The following SSUH2 variants were observed in gnomAD, a reference collection of about 807,000 sequenced individuals.
SSUH2 encodes the protein ssu-2 homolog, also known as protein SSUH2 homolog.
In SSUH2, 47 loss-of-function variants were observed where a neutral mutation model predicts 55.3. That is an observed-to-expected ratio of 0.85 (90% CI 0.67 to 1.08). The LOEUF is 1.08. Ranked by LOEUF, SSUH2 falls within the 50% of genes least tolerant of loss-of-function variation. The pLI, the probability that SSUH2 is intolerant of heterozygous loss-of-function variation, is 0.00. For synonymous variants in SSUH2, 212 were observed against 191.5 expected (o/e 1.11, Z -0.89); for missense variants, 535 against 490.7 (o/e 1.09, Z -0.85).
At chr3:8,634,052 T>G in intron 3 of SSUH2, 1 of 1,142,576 alleles carries the variant, frequency 8.8e-7, no homozygotes, top group Non-Finnish European at 1.2e-6. Context: ...GAAAAGCTGA[T>G]AGAATCCTGC....
At chr3:8,635,177 A>G in intron 3 of SSUH2, 123 bp downstream of exon 3, 1 of 709,206 alleles carries the variant, frequency 1.4e-6, no homozygotes, top group Non-Finnish European at 2.3e-6. Context: ...GATCTGGTGC[A>G]GTAGGTCTGG....
At chr3:8,654,809 C>T (rs1419837864) in intron 7 of SSUH2, among the ~76,000 whole-genome samples, 1 of 151,712 alleles carries the variant, frequency 6.6e-6, no homozygotes, top group Non-Finnish European at 1.5e-5. Flanking sequence ...TCCCCAGGAT[C>T]ACAGTAGGTG....
chr3:8,653,073 G>A (rs992005697), intron 7 of SSUH2, among the ~76,000 whole-genome samples: 4 of 152,178 alleles, frequency 2.6e-5, no homozygotes, highest in African/African-American at 9.7e-5. Context: ...ACCAAAAACC[G>A]AAATGATAGC....
At chr3:8,658,971 C>A (rs1170967338) in exon 7 of SSUH2, 2 of 152,278 alleles carry the variant, frequency 1.3e-5, no homozygotes, top group Non-Finnish European at 2.9e-5. Flanking sequence ...TGTTATCCTT[C>A]CTTCACAGCA....
intron 3 of SSUH2, among the ~76,000 whole-genome samples, chr3:8,675,008 T>C (rs116075066): frequency 0.066 from 10,012 of 152,232 alleles, 433 homozygotes; most frequent in Non-Finnish European, 0.1. Flanking sequence ...TTTGGAATTA[T>C]TGTTCCTTGT....
chr3:8,672,213 G>GATA (rs1704659681), intron 3 of SSUH2, among the ~76,000 whole-genome samples: 1 of 151,934 alleles, frequency 6.6e-6, no homozygotes, highest in Non-Finnish European at 1.5e-5. Context: ...TATCCCTGGG[G>GATA]TGGTGTACAC....
intron 2 of SSUH2, among the ~76,000 whole-genome samples, chr3:8,677,810 G>A (rs1250007766): frequency 3.0e-4 from 45 of 150,588 alleles, no homozygotes; most frequent in Middle Eastern, 3.4e-3. Flanking sequence ...TGGTGACTGA[G>A]AGCCAGCCCC....
chr3:8,677,885 T>C (rs1221926732), intron 2 of SSUH2, among the ~76,000 whole-genome samples: 1 of 150,846 alleles, frequency 6.6e-6, no homozygotes, highest in Non-Finnish European at 1.5e-5. Context: ...TACCATATTG[T>C]GAGTAATATC....
Position 8,665,177 on chromosome 3 carries a change from G to A in SSUH2, c.-454-1375C>T, listed in dbSNP as rs79842244. The stretch of plus-strand genomic sequence containing the variant: ...TTGGGATGGGTATATTTCAGTTGCC[G>A]TGAAAGAAAGAAGAAAAAGAGAAAA... On this transcript the variant is annotated intron_variant, in intron 5 of 18. Transcript: ENST00000317371. Among the ~76,000 whole-genome samples the A allele has an allele frequency of 1.8e-3, 278 of 151,998 alleles. 4 individuals are homozygous for A. The East Asian group carries it at 0.031, about 17-fold the overall frequency.
At position 8,619,626 on chromosome 3, in the gene SSUH2, AT is replaced by A. The variant is rs1696019682; in HGVS notation, c.*241del. The stretch of plus-strand genomic sequence containing the variant: ...CCTTGCCATTTAAATTATTTCTCTC[AT>A]TTGTTCTACAGGAATGTGTATAGCT... On this transcript the variant is annotated 3_prime_UTR_variant, in exon 12 of 12. Coordinates refer to ENST00000544814, the MANE Select transcript of SSUH2 (RefSeq NM_001256748.3). 1 of 386,456 alleles carries A rather than the reference AT, an allele frequency of 2.6e-6. No individual in the cohort carries two copies. The highest frequency in any genetic ancestry group is 4.1e-5 in the East Asian group (1 of 24,486). 23.9% of individuals were successfully genotyped at this position (386,456 alleles called of 1,614,324 possible).
Position 8,626,218 on chromosome 3 carries a change from C to T in SSUH2, c.767+11G>A. The T allele has an allele frequency of 6.2e-7, 1 of 1,611,478 alleles. No homozygotes were observed. The highest frequency in any genetic ancestry group is 1.1e-5 in the South Asian group (1 of 90,942). On this transcript the variant is annotated intron_variant, in intron 9 of 11. Transcript: ENST00000544814. The stretch of plus-strand genomic sequence containing the variant: ...CCCCGCATGCCACAGCATTGAGACA[C>T]TGCCACATACCACATGATGACAAGC...
At chr3:8,655,585 A>T (rs942046794) in intron 7 of SSUH2, among the ~76,000 whole-genome samples, 6 of 152,112 alleles carry the variant, frequency 3.9e-5, no homozygotes, top group Non-Finnish European at 7.3e-5. Flanking sequence ...TCTTGCCCCC[A>T]TTAGTCCCCA....
At chr3:8,634,670 TGGA>T in intron 3 of SSUH2, 3 of 1,065,030 alleles carry the variant, frequency 2.8e-6, no homozygotes, top group South Asian at 1.3e-5. Flanking sequence ...TGGGTGTCCA[TGGA>T]GGAGAAGGGG....
intron 1 of SSUH2, among the ~76,000 whole-genome samples, chr3:8,638,022 C>T (rs947066907): frequency 2.6e-5 from 4 of 152,148 alleles, no homozygotes; most frequent in African/African-American, 9.7e-5. Flanking sequence ...GTGGTGGGTC[C>T]GATTTGGCCC....
chr3:8,671,504 C>T (rs577782939), intron 4 of SSUH2, among the ~76,000 whole-genome samples: 6 of 152,088 alleles, frequency 3.9e-5, no homozygotes, highest in African/African-American at 1.4e-4. Context: ...GAACCTGCCC[C>T]GTGTGACAAT....
Position 8,666,539 on chromosome 3 carries a change from T to G in SSUH2, c.-454-2737A>C, listed in dbSNP as rs532741947. Among the ~76,000 whole-genome samples the G allele has an allele frequency of 1.7e-4, 26 of 152,246 alleles. No individual in the cohort carries two copies. The East Asian group carries it at 4.8e-3, about 28-fold the overall frequency. On this transcript the variant is annotated intron_variant, in intron 5 of 18. Coordinates refer to the SSUH2 transcript ENST00000317371. ...CAGGGCACCATTTCTGGAAGGTGCG[T>G]GTGTTGGGAAAAACTCTCCCAAACC...
intron 7 of SSUH2, among the ~76,000 whole-genome samples, chr3:8,650,265 A>C (rs1380604628): frequency 6.6e-6 from 1 of 152,162 alleles, no homozygotes. Context: ...TATCCAACAC[A>C]TTAACTAACT....
chr3:8,649,732 G>T (rs1017820855), upstream of SSUH2, among the ~76,000 whole-genome samples: 1 of 151,920 alleles, frequency 6.6e-6, no homozygotes, highest in Non-Finnish European at 1.5e-5. Flanking sequence ...CCCTCACCTG[G>T]ATTGCTGCAG....
In SSUH2 at chr3:8,676,853, C is replaced by T. The variant is rs868316571; in HGVS notation, c.-753+353G>A. Among the ~76,000 whole-genome samples, 4 of 149,748 alleles carry T rather than the reference C, an allele frequency of 2.7e-5. 1 individual carries two copies. The South Asian group carries it at 6.4e-4, about 24-fold the overall frequency. ...CCTCTTCCCCACCTGGCCCTTAGGA[C>T]CCCCATCGCAGGGGAGGAGGCATCC... is the stretch of plus-strand genomic sequence containing the variant. On this transcript the variant is annotated intron_variant, in intron 3 of 18. Coordinates refer to the SSUH2 transcript ENST00000317371.
Sources: allele counts gnomAD v4.1 joint callset (sites outside exome capture counted in the v4.1 genomes callset), GRCh38; gene constraint gnomAD v4.1.1; transcripts MANE v1.5; gene names NCBI Gene and HGNC (gene_info 2026-07-23, HGNC 2026-07-21).